ATP8A2: variants seen among roughly 807,000 people sequenced by gnomAD.
ATP8A2 encodes phospholipid-transporting ATPase IB.
Under a neutral mutation model 165.6 loss-of-function variants are expected in ATP8A2, and 100 were observed. The observed-to-expected ratio is 0.60, with a 90% CI of 0.51 to 0.71. The LOEUF is 0.71. Among genes scored for constraint, ATP8A2 ranks in the 30% least tolerant of loss-of-function variants. The probability of loss-of-function intolerance (pLI) is 0.00; values close to 1 mark genes in which losing one functional copy is unlikely to be tolerated. For synonymous variants in ATP8A2, 543 were observed against 548.8 expected, an observed-to-expected ratio of 0.99 and a Z score of 0.15; for missense variants, 1,227 against 1,479.5, an observed-to-expected ratio of 0.83 and a Z score of 2.80.
rs929944285 is a variant in ATP8A2 at position 25,394,692 on chromosome 13, A to G, written c.76+22404A>G. Among the ~76,000 whole-genome samples, 17 of 152,296 alleles carry G rather than the reference A, an allele frequency of 1.1e-4. No individual in the cohort carries two copies. In the South Asian group the frequency reaches 3.3e-3, roughly 30 times the overall value. On this transcript the variant is annotated intron_variant, in intron 1 of 36. Coordinates refer to ENST00000381655, the MANE Select transcript of ATP8A2 (RefSeq NM_016529.6). ...ATTTTGAGCTGAAGGCAATTAAGAA[A>G]CATCAGATGCAGAAAGGAAAAAAAA...
chr13:25,918,431 A>G (rs934955356), intron 33 of ATP8A2, among the ~76,000 whole-genome samples: 3 of 152,174 alleles, frequency 2.0e-5, no homozygotes, highest in Admixed American at 6.5e-5. Context: ...GTTGTTGCCC[A>G]AAGAGCCAGA....
chr13:25,936,475 A>T (rs1954894417), intron 33 of ATP8A2, among the ~76,000 whole-genome samples: 1 of 152,240 alleles, frequency 6.6e-6, no homozygotes. Flanking sequence ...CGCAAAACAA[A>T]TGTTTTCCAG....
intron 33 of ATP8A2, among the ~76,000 whole-genome samples, chr13:25,914,333 C>G (rs1303005620): frequency 1.3e-5 from 2 of 152,102 alleles, no homozygotes; most frequent in Non-Finnish European, 2.9e-5. Flanking sequence ...CAGCCCTTAC[C>G]TCTTTCTTAA....
intron 33 of ATP8A2, among the ~76,000 whole-genome samples, chr13:25,868,470 C>T (rs758365887): frequency 5.9e-5 from 9 of 152,166 alleles, no homozygotes; most frequent in Non-Finnish European, 1.2e-4. Flanking sequence ...GGAATAACAT[C>T]GTGACATCTT....
chr13:25,510,908 G>A (rs1483589551), intron 2 of ATP8A2, among the ~76,000 whole-genome samples: 1 of 152,182 alleles, frequency 6.6e-6, no homozygotes, highest in African/African-American at 2.4e-5. Context: ...GCTAAAAGTT[G>A]AAAGAGTTTA....
At chr13:25,864,068 A>G (rs1593469001) in intron 33 of ATP8A2, among the ~76,000 whole-genome samples, 1 of 152,348 alleles carries the variant, frequency 6.6e-6, no homozygotes, top group Admixed American at 6.5e-5. Context: ...CTACAAGACA[A>G]CGATCCATTG....
chr13:25,487,358 A>G (rs1438419004), intron 2 of ATP8A2, among the ~76,000 whole-genome samples: 1 of 152,090 alleles, frequency 6.6e-6, no homozygotes, highest in Non-Finnish European at 1.5e-5. Context: ...ATCTAGGTTC[A>G]TTTCGTCTGG....
intron 32 of ATP8A2, among the ~76,000 whole-genome samples, chr13:25,861,371 G>A (rs1952346581): frequency 6.6e-6 from 1 of 152,162 alleles, no homozygotes; most frequent in African/African-American, 2.4e-5. Flanking sequence ...AGTCAACAAA[G>A]TTATTGTTCT....
At chr13:25,609,568 A>AATATATATATATATATTTGTATTTAAAT in intron 24 of ATP8A2, among the ~76,000 whole-genome samples, 1 of 35,428 alleles carries the variant, frequency 2.8e-5, no homozygotes, top group Admixed American at 3.8e-4. Flanking sequence ...TTTGGATTCA[A>AATATATATATATATATTTGTATTTAAAT]ATATATATAT....
intron 23 of ATP8A2, among the ~76,000 whole-genome samples, chr13:25,586,554 A>T (rs1566302995): frequency 6.6e-6 from 1 of 152,202 alleles, no homozygotes; most frequent in Non-Finnish European, 1.5e-5. Flanking sequence ...ATAGCTTAAA[A>T]GACCGTCTTT....
At chr13:25,554,943 A>T (rs1566261041) in intron 12 of ATP8A2, 48 bp from the exon 13 acceptor site, 3 of 1,133,814 alleles carry the variant, frequency 2.6e-6, no homozygotes, top group East Asian at 4.7e-5. Context: ...ATGAAGAATT[A>T]ATGGTATATA....
In ATP8A2 at chr13:25,837,231, C is replaced by T; in HGVS notation, c.2823C>T (p.Leu941=). 6 of 1,614,064 alleles carry T rather than the reference C, an allele frequency of 3.7e-6. No homozygotes were observed. Among genetic ancestry groups the T allele is most frequent in the Non-Finnish European group, 5.1e-6 (6 of 1,179,988 alleles). Residue 941 remains leucine (L), a synonymous_variant, in exon 29 of 37, where the codon CTC becomes CTT. Coordinates refer to ENST00000381655, the MANE Select transcript of ATP8A2 (RefSeq NM_016529.6). ...FERSCTQESM[L]RFPQLYKITQ... ...GGTCTTGCACTCAGGAGAGCATGCT[C>T]AGGTTTCCCCAGCTCTACAAAATCA...
At chr13:25,452,481 T>C (rs1020270803) in intron 1 of ATP8A2, among the ~76,000 whole-genome samples, 1 of 152,206 alleles carries the variant, frequency 6.6e-6, no homozygotes, top group African/African-American at 2.4e-5. Context: ...GTAAGTCAAA[T>C]ATCAATATAG....
At chr13:25,900,507 T>C (rs915352283) in intron 33 of ATP8A2, among the ~76,000 whole-genome samples, 2 of 152,090 alleles carry the variant, frequency 1.3e-5, no homozygotes, top group Non-Finnish European at 2.9e-5. Context: ...TTTCAGATGA[T>C]TGGCTAAGGT....
At chr13:25,883,466 G>A (rs1180752039) in intron 33 of ATP8A2, among the ~76,000 whole-genome samples, 3 of 152,148 alleles carry the variant, frequency 2.0e-5, no homozygotes, top group African/African-American at 7.2e-5. Flanking sequence ...ATTACAAACT[G>A]GGGTGTGTGC....
At chr13:25,556,744 C>T (rs984514326) in intron 13 of ATP8A2, among the ~76,000 whole-genome samples, 3 of 152,100 alleles carry the variant, frequency 2.0e-5, no homozygotes, top group African/African-American at 7.2e-5. Flanking sequence ...GGGTGCTGTA[C>T]CTTCATTTTA....
At chr13:25,703,964 G>T (rs1476642795) in intron 25 of ATP8A2, among the ~76,000 whole-genome samples, 1 of 152,078 alleles carries the variant, frequency 6.6e-6, no homozygotes, top group Non-Finnish European at 1.5e-5. Context: ...ATAAATAAAT[G>T]AATAAAAGAA....
At chr13:25,531,400 A>ATATGT (rs2038094623) in intron 4 of ATP8A2, among the ~76,000 whole-genome samples, 1 of 50,530 alleles carries the variant, frequency 2.0e-5, no homozygotes, top group African/African-American at 1.2e-4. Flanking sequence ...ATATATGATT[A>ATATGT]TATATATGAT....
chr13:25,616,597 G>T (rs1312887533), intron 24 of ATP8A2, among the ~76,000 whole-genome samples: 1 of 152,124 alleles, frequency 6.6e-6, no homozygotes, highest in Non-Finnish European at 1.5e-5. Flanking sequence ...CTCCCAAAGT[G>T]CTGGGATTAT....
Sources: allele counts gnomAD v4.1 joint callset (sites outside exome capture counted in the v4.1 genomes callset), GRCh38; gene constraint gnomAD v4.1.1; transcripts MANE v1.5; gene names NCBI Gene and HGNC (gene_info 2026-07-23, HGNC 2026-07-21).